The following TLE1 variants were observed in gnomAD, a reference collection of about 807,000 sequenced individuals.
TLE1 encodes the protein TLE family member 1, transcriptional corepressor, also known as transducin-like enhancer protein 1.
Under a neutral mutation model 89.8 loss-of-function variants are expected in TLE1, and 21 were observed. That is an observed-to-expected ratio of 0.23 (90% confidence interval 0.17 to 0.34). The LOEUF (loss-of-function observed/expected upper bound fraction) is 0.34. TLE1 is among the 10% of genes least tolerant of loss of function. The probability of loss-of-function intolerance (pLI) is 1.00; values close to 1 mark genes in which losing one functional copy is unlikely to be tolerated. For missense variants in TLE1, 795 were observed against 1,031.2 expected, an observed-to-expected ratio of 0.77 and a Z score of 3.14; for synonymous variants, 447 against 407.6, an observed-to-expected ratio of 1.10 and a Z score of -1.16.
At chr9:81,631,972 CAG>C in intron 8 of TLE1, among the ~76,000 whole-genome samples, 1 of 152,110 alleles carries the variant, frequency 6.6e-6, no homozygotes, top group East Asian at 1.9e-4. Flanking sequence ...TGTGGTGGCA[CAG>C]GCCTGTAATC....
chr9:81,633,120 T>C (rs1395502933), intron 8 of TLE1, among the ~76,000 whole-genome samples: 1 of 152,172 alleles, frequency 6.6e-6, no homozygotes, highest in African/African-American at 2.4e-5. Context: ...ATGCCTCTCT[T>C]GTCTGATGCA....
intron 14 of TLE1, among the ~76,000 whole-genome samples, chr9:81,599,577 C>A (rs1374104612): frequency 6.6e-6 from 1 of 152,070 alleles, no homozygotes; most frequent in Non-Finnish European, 1.5e-5. Context: ...ACATGGGGCT[C>A]ATAAGAAAAT....
At chr9:81,662,204 A>C (rs982243389) in intron 4 of TLE1, among the ~76,000 whole-genome samples, 1 of 152,128 alleles carries the variant, frequency 6.6e-6, no homozygotes, top group Non-Finnish European at 1.5e-5. Context: ...CTAATAAATC[A>C]GTTGTCTAAA....
intron 4 of TLE1, among the ~76,000 whole-genome samples, chr9:81,680,027 T>C (rs1268134720): frequency 6.6e-6 from 1 of 152,208 alleles, no homozygotes; most frequent in Non-Finnish European, 1.5e-5. Flanking sequence ...ATAAACACTA[T>C]TTGGGAGAAC....
chr9:81,680,079 C>T (rs1361726785), intron 4 of TLE1, among the ~76,000 whole-genome samples: 1 of 152,198 alleles, frequency 6.6e-6, no homozygotes, highest in Non-Finnish European at 1.5e-5. Flanking sequence ...AATTTGCACG[C>T]ACGAGGTGCT....
At chr9:81,635,482 A>G (rs931573058) in intron 6 of TLE1, among the ~76,000 whole-genome samples, 1 of 152,222 alleles carries the variant, frequency 6.6e-6, no homozygotes, top group Non-Finnish European at 1.5e-5. Context: ...GTATGAAATG[A>G]AAAAGTATCC....
At chr9:81,656,952 AC>A (rs1830214566) in intron 4 of TLE1, among the ~76,000 whole-genome samples, 1 of 152,230 alleles carries the variant, frequency 6.6e-6, no homozygotes, top group Non-Finnish European at 1.5e-5. Flanking sequence ...GAAAAGCTGT[AC>A]CAATTATTGC....
At chr9:81,635,178 T>G (rs1588062113) in intron 6 of TLE1, among the ~76,000 whole-genome samples, 1 of 152,204 alleles carries the variant, frequency 6.6e-6, no homozygotes, top group Non-Finnish European at 1.5e-5. Context: ...TTGTGGCCGC[T>G]GGAAGAAACA....
At chr9:81,658,146 A>C (rs1421490209) in intron 4 of TLE1, among the ~76,000 whole-genome samples, 1 of 151,948 alleles carries the variant, frequency 6.6e-6, no homozygotes, top group African/African-American at 2.4e-5. Context: ...TCCTGACCTC[A>C]AGTGATCCAC....
chr9:81,604,683 T>A (rs1022705888), intron 14 of TLE1, among the ~76,000 whole-genome samples: 63 of 152,242 alleles, frequency 4.1e-4, no homozygotes, highest in African/African-American at 1.3e-3. Flanking sequence ...GAACCATGGA[T>A]GAGCATTTAT....
intron 4 of TLE1, among the ~76,000 whole-genome samples, chr9:81,669,700 A>G (rs1831970269): frequency 6.6e-6 from 1 of 152,012 alleles, no homozygotes; most frequent in Non-Finnish European, 1.5e-5. Context: ...TTTTTTCCCC[A>G]AGTGTCCAAT....
At chr9:81,657,712 T>C (rs1830307248) in intron 4 of TLE1, among the ~76,000 whole-genome samples, 1 of 152,054 alleles carries the variant, frequency 6.6e-6, no homozygotes, top group African/African-American at 2.4e-5. Context: ...GAAACCAAAA[T>C]CTAAGGATGC....
In TLE1 at chr9:81,632,101, A is replaced by C. The variant is rs1191794634; in HGVS notation, c.594+1247T>G. ...CGAAGACTCCATCTCAAAAAAAAAA[A>C]GACTATCTATAGGAACCCTGGAATG... On this transcript the variant is annotated intron_variant, in intron 8 of 19. Coordinates refer to ENST00000376499, the MANE Select transcript of TLE1 (RefSeq NM_005077.5). 3.3e-5 allele frequency among the ~76,000 whole-genome samples: 5 copies of C among 149,354 alleles called. No individual in the cohort carries two copies. In the Admixed American group the frequency reaches 3.4e-4, roughly 10 times the overall value.
At chr9:81,616,808 C>A in intron 9 of TLE1, 109 bp from the exon 10 acceptor site, 2 of 1,203,812 alleles carry the variant, frequency 1.7e-6, no homozygotes, top group South Asian at 1.3e-5. Context: ...AAAAAACTAC[C>A]TGGGACAGGC....
At chr9:81,624,971 G>T (rs1159753774) in intron 8 of TLE1, among the ~76,000 whole-genome samples, 14 of 152,036 alleles carry the variant, frequency 9.2e-5, no homozygotes, top group Admixed American at 9.2e-4. Flanking sequence ...TGGGTACAGG[G>T]TCAAGTACCC....
Position 81,685,875 on chromosome 9 carries a change from T to C in TLE1, c.147A>G (p.Lys49=). The C allele has an allele frequency of 1.2e-6, 2 of 1,613,572 alleles. No individual in the cohort carries two copies. The highest frequency in any genetic ancestry group is 2.2e-5 in the South Asian group (2 of 91,044). The part of the protein sequence containing the change: ...QYHSLKLECE[K]LASEKTEMQR... ...GCATTTCTGTCTTTTCACTTGCCAG[T>C]TTCTCACATTCCAATTTAAGGCTAG... Residue 49 remains lysine (K), a synonymous_variant, in exon 3 of 20, where the codon AAA becomes AAG. Coordinates refer to ENST00000376499, the MANE Select transcript of TLE1 (RefSeq NM_005077.5).
At chr9:81,654,788 G>C (rs944777757) in intron 4 of TLE1, among the ~76,000 whole-genome samples, 1 of 152,170 alleles carries the variant, frequency 6.6e-6, no homozygotes, top group African/African-American at 2.4e-5. Flanking sequence ...TAGAGTAGAA[G>C]AAAGGCCTGC....
intron 4 of TLE1, among the ~76,000 whole-genome samples, chr9:81,670,764 T>C (rs1465111527): frequency 2.0e-5 from 3 of 151,364 alleles, no homozygotes; most frequent in Admixed American, 1.3e-4. Flanking sequence ...GGGTATTTGA[T>C]CTTGGATAAA....
chr9:81,587,907 CGTGTGTGTGTGTGTGTGTGTGT>C, intron 16 of TLE1, 79 bp from the exon 17 acceptor site: 167 of 752,030 alleles, frequency 2.2e-4, no homozygotes, highest in Non-Finnish European at 2.9e-4. Context: ...AGTTTTGGAC[CGTGTGTGTGTGTGTGTGTGTGT>C]GTGTGTGTGT....
Sources: allele counts gnomAD v4.1 joint callset (sites outside exome capture counted in the v4.1 genomes callset), GRCh38; gene constraint gnomAD v4.1.1; transcripts MANE v1.5; gene names NCBI Gene and HGNC (gene_info 2026-07-23, HGNC 2026-07-21).